Variants in TMEM167A observed in about 807,000 individuals in gnomAD.
TMEM167A encodes transmembrane protein 167A.
In TMEM167A, 8 loss-of-function variants were observed where a neutral mutation model predicts 11.6. The ratio of observed to expected loss-of-function variants is 0.69; its 90% CI spans 0.40 to 1.24. The LOEUF is 1.24. TMEM167A is among the 50% of genes most tolerant of loss of function. The pLI is 0.01. For missense variants in TMEM167A, 62 were observed against 87.0 expected (o/e 0.71, Z 1.14); for synonymous variants, 22 against 28.0 (o/e 0.79, Z 0.67).
chr5:83,076,406 T>C (rs1305193352), intron 1 of TMEM167A, among the ~76,000 whole-genome samples: 2 of 152,256 alleles, frequency 1.3e-5, no homozygotes, highest in Non-Finnish European at 2.9e-5. Flanking sequence ...AAAAGAGTTA[T>C]CTTTGACTTG....
chr5:83,066,517 T>C (rs991516370), intron 1 of TMEM167A, among the ~76,000 whole-genome samples: 10 of 152,132 alleles, frequency 6.6e-5, no homozygotes, highest in Admixed American at 6.5e-4. Context: ...GGAAAAAAGA[T>C]AGCATCCAGA....
At chr5:83,059,869 C>CT (rs1011516069) in intron 3 of TMEM167A, among the ~76,000 whole-genome samples, 58 of 151,960 alleles carry the variant, frequency 3.8e-4, no homozygotes, top group South Asian at 1.9e-3. Context: ...CCAGCTGTGA[C>CT]TATCAAAGCT....
chr5:83,068,520 CA>C (rs1744515336), intron 1 of TMEM167A, among the ~76,000 whole-genome samples: 1 of 151,908 alleles, frequency 6.6e-6, no homozygotes, highest in Non-Finnish European at 1.5e-5. Context: ...GTGAGTTATG[CA>C]GACAAAAAAT....
intron 1 of TMEM167A, among the ~76,000 whole-genome samples, chr5:83,069,340 A>C (rs1157298167): frequency 6.6e-6 from 1 of 152,166 alleles, no homozygotes; most frequent in Non-Finnish European, 1.5e-5. Flanking sequence ...CTCTTCAGTG[A>C]AAAAATAATT....
chr5:83,059,583 A>C (rs1176664506), intron 3 of TMEM167A, among the ~76,000 whole-genome samples: 3 of 152,090 alleles, frequency 2.0e-5, no homozygotes, highest in Non-Finnish European at 4.4e-5. Flanking sequence ...TTTACCACTA[A>C]CTACCAGTAT....
chr5:83,070,836 AT>A (rs1375418225), intron 1 of TMEM167A, among the ~76,000 whole-genome samples: 2 of 152,262 alleles, frequency 1.3e-5, no homozygotes, highest in East Asian at 3.9e-4. Context: ...AGAATTCAAT[AT>A]AGGAGATTTT....
rs374198906 is a variant in TMEM167A, at chr5:83,055,368, A to C, written c.*1716T>G. 1 of 152,032 alleles carries C rather than the reference A, an allele frequency of 6.6e-6. No homozygotes were observed. Among genetic ancestry groups the C allele is most frequent in the South Asian group, 2.1e-4 (1 of 4,826 alleles). The allele number at this position is 152,032 out of a possible 1,614,324, so 9.4% of individuals were successfully genotyped here. On this transcript the variant is annotated 3_prime_UTR_variant, in exon 4 of 4. Transcript: ENST00000502346. Reference sequence around the variant, plus strand: ...AGAGCTGGACAACAGATGGCCACCCAGAAATTAGAGCCAGAAAGGTGACTT... The same window carrying C: ...AGAGCTGGACAACAGATGGCCACCCCGAAATTAGAGCCAGAAAGGTGACTT...
chr5:83,063,425 G>T (rs529389956), intron 2 of TMEM167A, among the ~76,000 whole-genome samples: 1 of 152,192 alleles, frequency 6.6e-6, no homozygotes, highest in Admixed American at 6.5e-5. Flanking sequence ...TCAAACAATG[G>T]AATAGGTTAG....
chr5:83,070,861 TA>T (rs545030694), intron 1 of TMEM167A, among the ~76,000 whole-genome samples: 31 of 152,094 alleles, frequency 2.0e-4, no homozygotes, highest in African/African-American at 7.2e-4. Context: ...AAAAGACGAA[TA>T]AAATACTTCT....
At chr5:83,063,291 G>A (rs1378903970) in intron 2 of TMEM167A, among the ~76,000 whole-genome samples, 1 of 152,086 alleles carries the variant, frequency 6.6e-6, no homozygotes, top group Non-Finnish European at 1.5e-5. Flanking sequence ...TTGTTATGAG[G>A]ATGAAATGAG....
At chr5:83,069,707 A>G (rs1744533805) in intron 1 of TMEM167A, among the ~76,000 whole-genome samples, 1 of 152,140 alleles carries the variant, frequency 6.6e-6, no homozygotes, top group Non-Finnish European at 1.5e-5. Context: ...TATAGAACAC[A>G]TCATACTGTA....
intron 2 of TMEM167A, chr5:83,064,346 C>T (rs769569815): frequency 9.7e-6 from 5 of 518,112 alleles, no homozygotes; most frequent in East Asian, 5.5e-5. Context: ...AACCTACTTG[C>T]TTTTGAAGAA....
Position 83,053,608 on chromosome 5 carries a change from T to C in TMEM167A, c.*3476A>G, listed in dbSNP as rs945531327. 1 of 151,966 alleles carries C rather than the reference T, an allele frequency of 6.6e-6. No homozygotes were observed. The highest frequency in any genetic ancestry group is 2.4e-5 in the African/African-American group (1 of 41,418). 9.4% of individuals were successfully genotyped at this position (151,966 alleles called of 1,614,324 possible). On this transcript the variant is annotated 3_prime_UTR_variant, in exon 4 of 4. Coordinates refer to ENST00000502346, the MANE Select transcript of TMEM167A (RefSeq NM_174909.5). ...AAAACATATTCAATTTTGAGGTAGG[T>C]AATCAACAGGAATGAGAAAAATACA...
chr5:83,073,276 C>T (rs182011984), intron 1 of TMEM167A, among the ~76,000 whole-genome samples: 30 of 152,228 alleles, frequency 2.0e-4, no homozygotes, highest in Admixed American at 9.8e-4. Flanking sequence ...AGGTGCTTAA[C>T]GAAAACAGTA....
intron 1 of TMEM167A, among the ~76,000 whole-genome samples, chr5:83,066,961 G>C (rs1744492477): frequency 6.6e-6 from 1 of 152,124 alleles, no homozygotes; most frequent in Non-Finnish European, 1.5e-5. Context: ...CAACATAAAA[G>C]CCCTTCCCAG....
chr5:83,064,160 T>G (rs746216252), intron 2 of TMEM167A: 6 of 498,758 alleles, frequency 1.2e-5, no homozygotes, highest in Non-Finnish European at 2.4e-5. Flanking sequence ...ACTGTATTAG[T>G]ACATATTTTA....
chr5:83,061,848 A>G, intron 3 of TMEM167A, 29 bp downstream of exon 3: 1 of 1,593,912 alleles, frequency 6.3e-7, no homozygotes, highest in Non-Finnish European at 8.6e-7. Flanking sequence ...TTACAGCTGA[A>G]GAAATGGAGG....
chr5:83,073,103 C>T (rs958060925), intron 1 of TMEM167A, among the ~76,000 whole-genome samples: 1 of 152,154 alleles, frequency 6.6e-6, no homozygotes, highest in Non-Finnish European at 1.5e-5. Flanking sequence ...CACAGCATTT[C>T]GTGACAAATT....
intron 1 of TMEM167A, among the ~76,000 whole-genome samples, chr5:83,074,827 A>G (rs1167516120): frequency 6.6e-6 from 1 of 151,490 alleles, no homozygotes; most frequent in Non-Finnish European, 1.5e-5. Context: ...CTGGAGTGCA[A>G]TGGCACAATC....
Sources: allele counts gnomAD v4.1 joint callset (sites outside exome capture counted in the v4.1 genomes callset), GRCh38; gene constraint gnomAD v4.1.1; transcripts MANE v1.5; gene names NCBI Gene and HGNC (gene_info 2026-07-23, HGNC 2026-07-21).